The following ARHGEF18 variants were observed in gnomAD, a reference collection of about 807,000 sequenced individuals.
ARHGEF18 encodes Rho/Rac guanine nucleotide exchange factor 18.
A neutral mutation model predicts 155.7 loss-of-function variants in ARHGEF18; 93 were observed. The observed-to-expected ratio is 0.60, with a 90% CI of 0.50 to 0.71. The LOEUF (loss-of-function observed/expected upper bound fraction) is 0.71. ARHGEF18 is among the 30% of genes least tolerant of loss of function. The pLI, the probability that ARHGEF18 is intolerant of heterozygous loss-of-function variation, is 0.00. For missense variants in ARHGEF18, 1,593 were observed against 1,816.1 expected (o/e 0.88, Z 2.23); for synonymous variants, 742 against 753.1 (o/e 0.99, Z 0.24).
intron 1 of ARHGEF18, among the ~76,000 whole-genome samples, chr19:7,353,603 GAAAAA>G (rs1568257969): frequency 6.7e-6 from 1 of 148,336 alleles, no homozygotes; most frequent in Non-Finnish European, 1.5e-5. Context: ...AAAAAAAAAA[GAAAAA>G]GAAAAGAAAA....
chr19:7,428,761 A>C (rs12977850), intron 10 of ARHGEF18, among the ~76,000 whole-genome samples: 86,933 of 151,950 alleles, frequency 0.57, 25,133 homozygotes, highest in East Asian at 0.75. Flanking sequence ...CTGCAGGTCG[A>C]ACCTTTGGGT....
intron 10 of ARHGEF18, among the ~76,000 whole-genome samples, chr19:7,431,820 A>G (rs1474405152): frequency 2.6e-5 from 4 of 152,250 alleles, no homozygotes; most frequent in African/African-American, 9.6e-5. Flanking sequence ...AGCTCAAACA[A>G]AAGAAATACT....
chr19:7,410,288 C>T (rs1391613729), intron 10 of ARHGEF18, among the ~76,000 whole-genome samples: 1 of 152,106 alleles, frequency 6.6e-6, no homozygotes, highest in African/African-American at 2.4e-5. Flanking sequence ...CCCCCGGCCT[C>T]TCTCAGGTGT....
intron 10 of ARHGEF18, among the ~76,000 whole-genome samples, chr19:7,398,236 A>AT (rs1971833006): frequency 6.6e-6 from 1 of 151,456 alleles, no homozygotes; most frequent in Admixed American, 6.6e-5. Context: ...CGCCCAGCTA[A>AT]TTTTTTGTAT....
Position 7,465,408 on chromosome 19 carries a change from C to CTT in ARHGEF18, c.2904+734_2904+735dup, listed in dbSNP as rs397859513. On this transcript the variant is annotated intron_variant, in intron 23 of 28. Transcript: ENST00000668164. ...TTGGGAGACCGAGGTGGGAGGATCACTTTTTTTTTTTTTTTTTGGAGACAA... is the reference window on the plus strand; with the variant it reads ...TTGGGAGACCGAGGTGGGAGGATCACTTTTTTTTTTTTTTTTTTTGGAGACAA... Among the ~76,000 whole-genome samples the CTT allele has an allele frequency of 1.3e-3, 169 of 133,902 alleles. 2 individuals are homozygous for CTT. The highest frequency in any genetic ancestry group is 3.6e-3 in the South Asian group (15 of 4,164). 87.8% of individuals were successfully genotyped at this position (133,902 alleles called of 152,430 possible).
chr19:7,404,449 A>ATC, intron 10 of ARHGEF18, among the ~76,000 whole-genome samples: 2 of 145,502 alleles, frequency 1.4e-5, no homozygotes, highest in Admixed American at 6.9e-5. Context: ...AGGCAGGAGG[A>ATC]TCTCTCTCTT....
At chr19:7,424,513 A>G (rs746616019) in intron 10 of ARHGEF18, among the ~76,000 whole-genome samples, 1 of 152,184 alleles carries the variant, frequency 6.6e-6, no homozygotes, top group Non-Finnish European at 1.5e-5. Flanking sequence ...CAGGGAAACG[A>G]TTAAAGCGAT....
At chr19:7,359,015 C>A (rs1332436600) in intron 1 of ARHGEF18, among the ~76,000 whole-genome samples, 8 of 152,122 alleles carry the variant, frequency 5.3e-5, no homozygotes. Flanking sequence ...AGTCCTATGG[C>A]TAAAATTGTC....
In ARHGEF18 at chr19:7,440,489, C is replaced by T; in HGVS notation, c.1106+7C>T. On this transcript the variant is annotated splice_region_variant and intron_variant, in intron 11 of 28. Coordinates refer to ENST00000668164, the MANE Select transcript of ARHGEF18 (RefSeq NM_001367823.1). This position sits in a 1 kb window ranked among gnomAD's most constrained non-coding sequence, Gnocchi z 5.4. ...GCCCTGGGACGCAACTCGGGTAAGC[C>T]AGGGTCCCCTCTGTGCCCTCGGGTG... 1 of 1,594,130 alleles carries T rather than the reference C, an allele frequency of 6.3e-7. No homozygotes were observed. The highest frequency in any genetic ancestry group is 2.2e-5 in the East Asian group (1 of 44,780).
chr19:7,445,454 G>A (rs1021188370), intron 14 of ARHGEF18, among the ~76,000 whole-genome samples: 3 of 151,852 alleles, frequency 2.0e-5, no homozygotes, highest in African/African-American at 7.3e-5. Flanking sequence ...ATTTGGGAGT[G>A]GGGGAAAGCA....
At chr19:7,441,818 G>A in intron 12 of ARHGEF18, 53 bp downstream of exon 12, 1 of 1,612,694 alleles carries the variant, frequency 6.2e-7, no homozygotes, top group Non-Finnish European at 8.5e-7. Flanking sequence ...GTCTCTCCTG[G>A]GAAGAGCTGG....
intron 13 of ARHGEF18, among the ~76,000 whole-genome samples, chr19:7,443,436 T>C (rs8100403): frequency 0.66 from 100,982 of 151,862 alleles, 34,176 homozygotes; most frequent in Middle Eastern, 0.78. Flanking sequence ...CCTGACCTCA[T>C]GTGATCTGCT....
At chr19:7,472,966 T>G (rs1356850085), downstream of ARHGEF18, 2 of 455,738 alleles carry the variant, frequency 4.4e-6, no homozygotes, top group African/African-American at 4.0e-5. Context: ...CCTCCCAAAG[T>G]GCTGGGATTA....
At chr19:7,383,381 G>A (rs1288975468) in intron 10 of ARHGEF18, 178 bp downstream of exon 10, 2 of 565,128 alleles carry the variant, frequency 3.5e-6, no homozygotes, top group African/African-American at 1.9e-5. Flanking sequence ...GGACCCTTGG[G>A]CTAACTCGGG....
Position 7,362,796 on chromosome 19 carries a change from C to T in ARHGEF18, c.-95C>T. 1 of 1,234,152 alleles carries T rather than the reference C, an allele frequency of 8.1e-7. No individual in the cohort carries two copies. The highest frequency in any genetic ancestry group is 1.0e-6 in the Non-Finnish European group (1 of 988,128). The allele number at this position is 1,234,152 out of a possible 1,614,324, so 76.5% of individuals were successfully genotyped here. On this transcript the variant is annotated 5_prime_UTR_variant, in exon 2 of 29. Coordinates refer to ENST00000668164, the MANE Select transcript of ARHGEF18 (RefSeq NM_001367823.1). ...TTCTCCACAGGCTCTGAGCCCAAGT[C>T]ATGTGTCCAGCCTTTTGACTCTGGA...
At chr19:7,474,763 G>GTGTGTGTGTGTGTGTGTT (rs1298738793), downstream of ARHGEF18, among the ~76,000 whole-genome samples, 4 of 151,244 alleles carry the variant, frequency 2.6e-5, no homozygotes, top group Admixed American at 6.6e-5. Context: ...GAGTGTGTGT[G>GTGTGTGTGTGTGTGTGTT]TGTGTGTGTG....
intron 10 of ARHGEF18, among the ~76,000 whole-genome samples, chr19:7,412,325 T>G (rs1249480581): frequency 3.4e-5 from 5 of 148,034 alleles, no homozygotes; most frequent in Admixed American, 6.8e-5. Context: ...TATGCTAGGG[T>G]TTTTAGGAAC....
At position 7,467,237 on chromosome 19, in the gene ARHGEF18, C is replaced by T; in HGVS notation, c.3033C>T (p.Ser1011=). The change falls in exon 26 of 29, where the codon AGC becomes AGT. Residue 1011 remains serine, a synonymous_variant. Coordinates refer to ENST00000668164, the MANE Select transcript of ARHGEF18 (RefSeq NM_001367823.1). ...AGGCGGTAATCGCCCACCAGGACAG[C>T]TATGTGGAGACGCAGCGGGCTGCCA... is the stretch of plus-strand genomic sequence containing the variant. The part of the protein sequence containing the change: ...NLQAVIAHQD[S]YVETQRAAIQ... The T allele has an allele frequency of 6.3e-7, 1 of 1,591,130 alleles. No homozygotes were observed. The highest frequency in any genetic ancestry group is 8.6e-7 in the Non-Finnish European group (1 of 1,169,106).
intron 15 of ARHGEF18, among the ~76,000 whole-genome samples, chr19:7,447,871 G>A (rs1203837531): frequency 6.6e-6 from 1 of 152,132 alleles, no homozygotes; most frequent in Non-Finnish European, 1.5e-5. Context: ...GTGCACACCT[G>A]TAATCCCAGC....
Sources: allele counts gnomAD v4.1 joint callset (sites outside exome capture counted in the v4.1 genomes callset), GRCh38; gene constraint gnomAD v4.1.1; non-coding constraint Gnocchi (gnomAD v3.1); transcripts MANE v1.5; gene names NCBI Gene and HGNC (gene_info 2026-07-23, HGNC 2026-07-21).